ADAMTS16: variants seen among roughly 807,000 people sequenced by gnomAD.
The protein encoded by ADAMTS16 is A disintegrin and metalloproteinase with thrombospondin motifs 16.
Under a neutral mutation model 145.8 loss-of-function variants are expected in ADAMTS16, and 94 were observed. That is an observed-to-expected ratio of 0.64 (90% CI 0.55 to 0.77). The LOEUF (loss-of-function observed/expected upper bound fraction) is 0.77. Among genes scored for constraint, ADAMTS16 ranks in the 30% least tolerant of loss-of-function variants. ADAMTS16 has a pLI of 0.00. For synonymous variants in ADAMTS16, 659 were observed against 604.3 expected, an observed-to-expected ratio of 1.09 and a Z score of -1.33; for missense variants, 1,585 against 1,591.5, an observed-to-expected ratio of 1.00 and a Z score of 0.07.
At chr5:5,153,748 A>G (rs1734530495) in intron 3 of ADAMTS16, among the ~76,000 whole-genome samples, 1 of 152,232 alleles carries the variant, frequency 6.6e-6, no homozygotes, top group Non-Finnish European at 1.5e-5. Context: ...AAAAAAATAT[A>G]TATAATCTGT....
intron 21 of ADAMTS16, among the ~76,000 whole-genome samples, chr5:5,316,967 C>G (rs1734083717): frequency 6.6e-6 from 1 of 152,190 alleles, no homozygotes; most frequent in African/African-American, 2.4e-5. Context: ...CTCTAGACTT[C>G]CAGACACTTC....
In ADAMTS16 at chr5:5,140,445, CT is replaced by C; in HGVS notation, c.-22del. 6.7e-7 allele frequency: 1 copy of C among 1,502,498 alleles called. No homozygotes were observed. Among genetic ancestry groups the C allele is most frequent in the Non-Finnish European group, 8.8e-7 (1 of 1,133,926 alleles). The allele number at this position is 1,502,498 out of a possible 1,614,324, so 93.1% of individuals were successfully genotyped here. ...CCGGCCGGGGACCCTCCGGTGGCCC[CT>C]AGCCCCTCGGAGCGCTCCTGGATGA... On this transcript the variant is annotated 5_prime_UTR_variant, in exon 1 of 23. Transcript: ENST00000274181.
intron 11 of ADAMTS16, chr5:5,223,106 A>C (rs953484182): frequency 3.7e-5 from 20 of 542,070 alleles, no homozygotes; most frequent in Non-Finnish European, 5.6e-5. Flanking sequence ...CCTGGAATTC[A>C]TAGACATAGA....
chr5:5,214,401 TC>T (rs1736367063), intron 10 of ADAMTS16, among the ~76,000 whole-genome samples: 1 of 152,346 alleles, frequency 6.6e-6, no homozygotes, highest in Admixed American at 6.5e-5. Flanking sequence ...TTTTCTTTTT[TC>T]TTTTATTTAC....
intron 3 of ADAMTS16, among the ~76,000 whole-genome samples, chr5:5,148,318 C>T (rs889856509): frequency 6.6e-6 from 1 of 152,136 alleles, no homozygotes; most frequent in Non-Finnish European, 1.5e-5. Flanking sequence ...TTGAAAGAGC[C>T]CTGTTCTTAT....
intron 22 of ADAMTS16, among the ~76,000 whole-genome samples, chr5:5,318,495 GCGTGACTTCTTTC>G (rs1259991452): frequency 1.3e-5 from 2 of 152,166 alleles, no homozygotes; most frequent in Admixed American, 6.5e-5. Flanking sequence ...AGTGACATAA[GCGTGACTTCTTTC>G]CTATATCAAT....
At chr5:5,183,215 A>G (rs937033391) in intron 4 of ADAMTS16, among the ~76,000 whole-genome samples, 1 of 152,194 alleles carries the variant, frequency 6.6e-6, no homozygotes, top group African/African-American at 2.4e-5. Context: ...CACCCAGATG[A>G]ACTTAGTGGG....
At chr5:5,165,565 T>C (rs1383074938) in intron 3 of ADAMTS16, among the ~76,000 whole-genome samples, 7 of 152,214 alleles carry the variant, frequency 4.6e-5, no homozygotes, top group African/African-American at 1.4e-4. Flanking sequence ...TCCTGGAAGC[T>C]GAACCCTAAA....
intron 18 of ADAMTS16, among the ~76,000 whole-genome samples, chr5:5,268,361 G>A (rs1483650012): frequency 2.0e-5 from 3 of 152,126 alleles, no homozygotes; most frequent in East Asian, 1.9e-4. Context: ...GAGCATTTGC[G>A]GTATCCTTGA....
At chr5:5,228,605 C>T (rs1736833683) in intron 11 of ADAMTS16, among the ~76,000 whole-genome samples, 1 of 152,096 alleles carries the variant, frequency 6.6e-6, no homozygotes, top group African/African-American at 2.4e-5. Context: ...GCCTCTTAAT[C>T]TAGTTTTCTC....
intron 18 of ADAMTS16, among the ~76,000 whole-genome samples, chr5:5,298,907 C>G (rs778807361): frequency 2.6e-5 from 4 of 152,188 alleles, no homozygotes; most frequent in Non-Finnish European, 4.4e-5. Flanking sequence ...TTTAGAACAG[C>G]CTACTGGACA....
Position 5,319,849 on chromosome 5 carries a change from G to C in ADAMTS16, c.*711G>C, listed in dbSNP as rs1474939202. The C allele has an allele frequency of 2.2e-6, 1 of 455,190 alleles. No homozygotes were observed. The highest frequency in any genetic ancestry group is 4.4e-6 in the Non-Finnish European group (1 of 226,626). 28.2% of individuals were successfully genotyped at this position (455,190 alleles called of 1,614,324 possible). A position where few individuals can be genotyped will look rare whatever the true frequency, so the allele number is the denominator to read the frequency against. On this transcript the variant is annotated 3_prime_UTR_variant, in exon 23 of 23. Coordinates refer to ENST00000274181, the MANE Select transcript of ADAMTS16 (RefSeq NM_139056.4). ...TCTTTCAGATTCATGCATTGAAGGA[G>C]AGATTTTTTATACTTTATGTTTTAT...
In ADAMTS16 at chr5:5,190,122, A is replaced by T; in HGVS notation, c.1199A>T (p.Asp400Val). 6.3e-7 allele frequency: 1 copy of T among 1,594,914 alleles called. No individual in the cohort carries two copies. Among genetic ancestry groups the T allele is most frequent in the East Asian group, 2.3e-5 (1 of 44,276 alleles). Reference protein sequence around the residue: ...DICSWKNEPCDTLGFAPISGM... With the variant: ...DICSWKNEPCVTLGFAPISGM... ...TGTTCCTGGAAGAATGAGCCCTGTG[A>T]CACTTTGGGTGAGAACCTCCAGCAG... The change falls in exon 7 of 23, where the codon GAC becomes GTC. Residue 400 changes from aspartate to valine, a missense_variant. Asp to Val is a radical substitution (Grantham distance 152, BLOSUM62 -3). Around this residue, in one of 3 missense-constraint regions of ADAMTS16, gnomAD observed 298 missense variants for 367.6 expected, o/e 0.81. Transcript: ENST00000274181.
intron 8 of ADAMTS16, among the ~76,000 whole-genome samples, chr5:5,194,867 AAAACGTGT>A (rs964341457): frequency 3.3e-5 from 5 of 152,198 alleles, no homozygotes; most frequent in African/African-American, 1.2e-4. Context: ...TTACTATTAA[AAAACGTGT>A]AAAACATACT....
intron 16 of ADAMTS16, among the ~76,000 whole-genome samples, chr5:5,240,933 A>G (rs1737268917): frequency 6.6e-6 from 1 of 152,210 alleles, no homozygotes; most frequent in African/African-American, 2.4e-5. Context: ...ATCAGAGAGA[A>G]AGATGCCTCC....
chr5:5,206,425 C>CAAAAAAAAAAAA (rs1173829992), intron 9 of ADAMTS16, among the ~76,000 whole-genome samples: 4 of 39,434 alleles, frequency 1.0e-4, no homozygotes, highest in African/African-American at 3.5e-4. Flanking sequence ...GACTCCGTCT[C>CAAAAAAAAAAAA]AAAAAAAAAA....
At chr5:5,280,961 T>A (rs1012842644) in intron 18 of ADAMTS16, among the ~76,000 whole-genome samples, 2 of 152,372 alleles carry the variant, frequency 1.3e-5, no homozygotes, top group East Asian at 3.9e-4. Context: ...TATCTCTTCA[T>A]GTTTGATAAA....
chr5:5,318,071 C>CT, intron 21 of ADAMTS16, 63 bp from the exon 22 acceptor site: 1 of 1,294,914 alleles, frequency 7.7e-7, no homozygotes, highest in Non-Finnish European at 9.9e-7. Flanking sequence ...GGTGGGCACA[C>CT]TGAGGTTGAC....
chr5:5,145,974 C>T (rs1046639362), intron 2 of ADAMTS16, among the ~76,000 whole-genome samples, 156 bp from the exon 3 acceptor site: 5 of 152,134 alleles, frequency 3.3e-5, no homozygotes, highest in African/African-American at 9.7e-5. Flanking sequence ...CCATATTGCA[C>T]ACTTTGAATT....
Sources: gnomAD v4.1 joint callset for allele counts (sites outside exome capture counted in the v4.1 genomes callset) on GRCh38, gnomAD v4.1.1 for gene constraint, gnomAD v4.1.1 regional missense constraint, MANE v1.5 for transcripts, NCBI Gene and HGNC (gene_info 2026-07-23, HGNC 2026-07-21) for gene names.